SBF2: variants seen among roughly 807,000 people sequenced by gnomAD.
The protein encoded by SBF2 is myotubularin-related protein 13.
Under a neutral mutation model 225.2 loss-of-function variants are expected in SBF2, and 112 were observed. The observed-to-expected ratio is 0.50, with a 90% CI of 0.43 to 0.58. The LOEUF (loss-of-function observed/expected upper bound fraction) is 0.58. SBF2 is among the 20% of genes least tolerant of loss of function. The pLI is 0.00. For missense variants in SBF2, 1,996 were observed against 2,206.2 expected, an observed-to-expected ratio of 0.90 and a Z score of 1.91; for synonymous variants, 763 against 773.3, an observed-to-expected ratio of 0.99 and a Z score of 0.22.
chr11:9,881,036 G>C (rs569718674), intron 17 of SBF2, among the ~76,000 whole-genome samples: 1 of 152,244 alleles, frequency 6.6e-6, no homozygotes, highest in Non-Finnish European at 1.5e-5. Context: ...AAAAGATCTG[G>C]AGTCAATGGT....
At chr11:10,103,481 C>T (rs868698189) in intron 2 of SBF2, among the ~76,000 whole-genome samples, 6 of 152,030 alleles carry the variant, frequency 3.9e-5, no homozygotes, top group Non-Finnish European at 5.9e-5. Context: ...GTATATGGTA[C>T]CAGTAATAAT....
At chr11:10,097,286 C>G (rs549637445) in intron 2 of SBF2, among the ~76,000 whole-genome samples, 1 of 152,180 alleles carries the variant, frequency 6.6e-6, no homozygotes, top group Admixed American at 6.5e-5. Context: ...AACCTTTAAG[C>G]GTGGATTTCC....
chr11:9,856,142 G>A (rs1468544435), intron 19 of SBF2, among the ~76,000 whole-genome samples: 1 of 152,198 alleles, frequency 6.6e-6, no homozygotes, highest in African/African-American at 2.4e-5. Context: ...TTGCAAGAAG[G>A]TGCTCACTAA....
intron 1 of SBF2, among the ~76,000 whole-genome samples, chr11:10,246,224 T>C (rs1336235135): frequency 1.3e-5 from 2 of 152,220 alleles, no homozygotes; most frequent in African/African-American, 2.4e-5. Context: ...AAAAGGTGTA[T>C]ACTTATTGCC....
chr11:10,239,956 A>G (rs1959185775), intron 1 of SBF2, among the ~76,000 whole-genome samples: 1 of 152,164 alleles, frequency 6.6e-6, no homozygotes. Flanking sequence ...GCACTAGCCA[A>G]AAGAAGGAAT....
chr11:9,783,142 T>C (rs1004229975), intron 38 of SBF2: 2 of 152,212 alleles, frequency 1.3e-5, no homozygotes, highest in African/African-American at 4.8e-5. Context: ...ATGTAAATTA[T>C]AGAAAAATTA....
At chr11:9,807,871 A>C in intron 32 of SBF2, 129 bp downstream of exon 32, 1 of 859,390 alleles carries the variant, frequency 1.2e-6, no homozygotes. Context: ...AGATTTCAGC[A>C]TGTCCTGTGG....
chr11:10,114,965 A>C (rs1221228700), intron 2 of SBF2, among the ~76,000 whole-genome samples: 1 of 152,206 alleles, frequency 6.6e-6, no homozygotes, highest in Non-Finnish European at 1.5e-5. Flanking sequence ...GGGCAGTTGC[A>C]TTTGGACATT....
At position 10,053,892 on chromosome 11, in the gene SBF2, C is replaced by T. The variant is rs375010305; in HGVS notation, c.142-10911G>A. Among the ~76,000 whole-genome samples the T allele has an allele frequency of 2.0e-4, 30 of 151,806 alleles. 1 individual carries two copies. Among genetic ancestry groups the T allele is most frequent in the African/African-American group, 6.8e-4 (28 of 41,368 alleles). The stretch of plus-strand genomic sequence containing the variant: ...CTGTGATCATGACACTGCACTTGAG[C>T]CTGGGTGACAGAGTGAGATTCTGTT... On this transcript the variant is annotated intron_variant, in intron 2 of 39. Transcript: ENST00000256190.
At chr11:9,969,403 T>C (rs1255814227) in intron 13 of SBF2, among the ~76,000 whole-genome samples, 1 of 152,222 alleles carries the variant, frequency 6.6e-6, no homozygotes, top group Non-Finnish European at 1.5e-5. Flanking sequence ...ACCGTTCTGT[T>C]CATTCCAATG....
intron 16 of SBF2, among the ~76,000 whole-genome samples, chr11:9,953,349 C>T (rs1865969288): frequency 2.0e-5 from 3 of 151,940 alleles, no homozygotes; most frequent in Admixed American, 6.6e-5. Flanking sequence ...GAGGCTGAGG[C>T]AGAGAATTGC....
intron 5 of SBF2, 70 bp downstream of exon 5, chr11:10,029,695 T>C (rs552047483): frequency 2.9e-6 from 3 of 1,018,352 alleles, no homozygotes; most frequent in Non-Finnish European, 4.7e-6. Context: ...CCTTTCTCCA[T>C]AAATTAAATT....
chr11:10,225,391 G>T (rs1958500341), intron 1 of SBF2, among the ~76,000 whole-genome samples: 1 of 151,330 alleles, frequency 6.6e-6, no homozygotes, highest in African/African-American at 2.4e-5. Flanking sequence ...GCAGCATTTT[G>T]AAAACCCAAT....
At chr11:10,153,002 C>T (rs554209254) in intron 2 of SBF2, among the ~76,000 whole-genome samples, 4 of 152,246 alleles carry the variant, frequency 2.6e-5, no homozygotes, top group South Asian at 4.2e-4. Flanking sequence ...CAGTACTATA[C>T]GAGGCTTTCA....
At chr11:10,052,103 C>G (rs1273027550) in intron 2 of SBF2, among the ~76,000 whole-genome samples, 1 of 151,488 alleles carries the variant, frequency 6.6e-6, no homozygotes, top group East Asian at 1.9e-4. Context: ...AAGCATTATA[C>G]AAACAGGATA....
chr11:9,955,728 G>A (rs1320678333), intron 16 of SBF2, among the ~76,000 whole-genome samples: 1 of 151,948 alleles, frequency 6.6e-6, no homozygotes, highest in Non-Finnish European at 1.5e-5. Flanking sequence ...AAGCTATAAG[G>A]TTATGAAGAA....
In SBF2 at chr11:10,289,174, C is replaced by T. The variant is rs577531904; in HGVS notation, c.55+4841G>A. On this transcript the variant is annotated intron_variant, in intron 1 of 39. Transcript: ENST00000256190. ...CAGCACCCTGGCTTGGCCCCAACCC[C>T]GCTCCGAGATTGGAGCAGGCGCCTC... 1.5e-4 allele frequency among the ~76,000 whole-genome samples: 23 copies of T among 152,352 alleles called. 1 individual carries two copies. The highest frequency in any genetic ancestry group is 2.6e-4 in the African/African-American group (11 of 41,590).
intron 2 of SBF2, among the ~76,000 whole-genome samples, chr11:10,079,259 T>G (rs1951258916): frequency 6.6e-6 from 1 of 151,970 alleles, no homozygotes; most frequent in Non-Finnish European, 1.5e-5. Flanking sequence ...ACCAGAAAAC[T>G]AATGCAAAGA....
chr11:9,913,562 T>C (rs907423733), intron 16 of SBF2, among the ~76,000 whole-genome samples: 11 of 152,102 alleles, frequency 7.2e-5, no homozygotes, highest in Admixed American at 7.2e-4. Context: ...AGGTATATAT[T>C]CTAACACTTA....
Sources: gnomAD v4.1 joint callset for allele counts (sites outside exome capture counted in the v4.1 genomes callset) on GRCh38, gnomAD v4.1.1 for gene constraint, MANE v1.5 for transcripts, NCBI Gene and HGNC (gene_info 2026-07-23, HGNC 2026-07-21) for gene names.